TMEM132B: variants seen among roughly 807,000 people sequenced by gnomAD.
The protein encoded by TMEM132B is transmembrane protein 132B.
TMEM132B carries 18 observed loss-of-function variants against 90.8 expected under a neutral mutation model. That is an observed-to-expected ratio of 0.20 (90% CI 0.14 to 0.29). The LOEUF (loss-of-function observed/expected upper bound fraction) is 0.29, where lower values mean the gene tolerates loss of function less well. Among genes scored for constraint, TMEM132B ranks in the 10% least tolerant of loss-of-function variants. TMEM132B has a pLI of 1.00. For synonymous variants in TMEM132B, 504 were observed against 523.3 expected (o/e 0.96, Z 0.50); for missense variants, 1,096 against 1,326.8 (o/e 0.83, Z 2.70).
At chr12:125,294,941 A>G (rs1380465858) in intron 1 of TMEM132B, among the ~76,000 whole-genome samples, 1 of 152,250 alleles carries the variant, frequency 6.6e-6, no homozygotes, top group African/African-American at 2.4e-5. Flanking sequence ...ACTTATTGAA[A>G]CTATGCATAA....
intron 2 of TMEM132B, among the ~76,000 whole-genome samples, chr12:125,360,253 C>T (rs1197525516): frequency 1.3e-5 from 2 of 152,056 alleles, no homozygotes; most frequent in African/African-American, 2.4e-5. Context: ...ATCTATAACC[C>T]GATTTACTCT....
chr12:125,218,774 T>TTTG (rs1364001577), intron 1 of TMEM132B, among the ~76,000 whole-genome samples: 5 of 149,418 alleles, frequency 3.3e-5, no homozygotes, highest in Non-Finnish European at 7.4e-5. Context: ...AAGCTGTTTT[T>TTTG]TTTTTTTTTT....
At position 125,407,263 on chromosome 12, in the gene TMEM132B, T is replaced by C. The variant is rs967851908; in HGVS notation, c.960-8268T>C. 2.0e-5 allele frequency among the ~76,000 whole-genome samples: 3 copies of C among 152,126 alleles called. No individual in the cohort carries two copies. The highest frequency in any genetic ancestry group is 7.2e-5 in the African/African-American group (3 of 41,412). On this transcript the variant is annotated intron_variant, in intron 2 of 8. Transcript: ENST00000682704. The surrounding 1 kb of genome is among the most constrained non-coding windows in gnomAD (Gnocchi z 6.7). ...GGCTTAAAAGTTAGTTCTCAGGAGG[T>C]GAAGGCAAAGGCCAGACCTCTCTTC...
intron 5 of TMEM132B, among the ~76,000 whole-genome samples, chr12:125,589,669 A>C (rs990502211): frequency 6.6e-6 from 1 of 152,090 alleles, no homozygotes; most frequent in African/African-American, 2.4e-5. Flanking sequence ...CACATCTTAC[A>C]TGGCAGGAGC....
intron 4 of TMEM132B, among the ~76,000 whole-genome samples, chr12:125,545,176 G>A (rs757846310): frequency 3.9e-5 from 6 of 152,160 alleles, no homozygotes; most frequent in Non-Finnish European, 8.8e-5. Context: ...CTACACAAGC[G>A]GCTTGCTCTC....
intron 5 of TMEM132B, among the ~76,000 whole-genome samples, chr12:125,626,934 T>C (rs1464988249): frequency 1.3e-5 from 2 of 152,126 alleles, no homozygotes; most frequent in Non-Finnish European, 2.9e-5. Context: ...TACATGTACA[T>C]TAGACCATTT....
intron 1 of TMEM132B, among the ~76,000 whole-genome samples, chr12:125,229,900 G>T (rs1473636267): frequency 2.0e-5 from 3 of 152,198 alleles, no homozygotes; most frequent in African/African-American, 7.2e-5. Flanking sequence ...TCATAATTTC[G>T]TCTAAAGGGT....
At chr12:125,633,786 C>T (rs551147867) in intron 5 of TMEM132B, among the ~76,000 whole-genome samples, 1 of 152,352 alleles carries the variant, frequency 6.6e-6, no homozygotes, top group African/African-American at 2.4e-5. Context: ...GAGTCTCTCT[C>T]TCTCTCTGTT....
chr12:125,357,245 CAA>C (rs1362330181), intron 2 of TMEM132B, among the ~76,000 whole-genome samples: 2 of 152,156 alleles, frequency 1.3e-5, no homozygotes, highest in Admixed American at 1.3e-4. Flanking sequence ...GCAATTCTGG[CAA>C]AAGTTTCCTC....
intron 3 of TMEM132B, among the ~76,000 whole-genome samples, chr12:125,500,161 G>A (rs745394129): frequency 3.3e-5 from 5 of 152,204 alleles, no homozygotes; most frequent in African/African-American, 4.8e-5. Context: ...AGAGAGCCCC[G>A]TTGCATTGCA....
intron 5 of TMEM132B, among the ~76,000 whole-genome samples, chr12:125,594,199 G>C (rs1179091733): frequency 2.0e-5 from 3 of 152,116 alleles, no homozygotes; most frequent in Non-Finnish European, 4.4e-5. Flanking sequence ...CTTCCATCCA[G>C]TTAATTTGAC....
chr12:125,634,161 C>G (rs1441916473), intron 5 of TMEM132B, among the ~76,000 whole-genome samples: 3 of 152,220 alleles, frequency 2.0e-5, no homozygotes, highest in African/African-American at 7.2e-5. Flanking sequence ...CCTTCCCCCT[C>G]TTCCTTCGCC....
chr12:125,353,993 C>A (rs1877681226), intron 2 of TMEM132B, among the ~76,000 whole-genome samples: 1 of 152,176 alleles, frequency 6.6e-6, no homozygotes, highest in South Asian at 2.1e-4. Flanking sequence ...AACTGTCAGC[C>A]TCCTGGAAAT....
chr12:125,423,942 C>T (rs1880240735), intron 3 of TMEM132B, among the ~76,000 whole-genome samples: 1 of 152,138 alleles, frequency 6.6e-6, no homozygotes, highest in African/African-American at 2.4e-5. Context: ...AAAAATTGGT[C>T]AAAGTGGTTA....
Position 125,644,207 on chromosome 12 carries a change from C to T in TMEM132B, c.1569C>T (p.Pro523=). The part of the protein sequence containing the change: ...FEVTVWAPRL[P]LQIEISDTEL... ...TCACTGTCTGGGCACCCAGGCTCCC[C>T]CTGCAGATTGAGATCTCAGACACCG... Residue 523 remains proline, a synonymous_variant, in exon 6 of 9, where the codon CCC becomes CCT. Coordinates refer to ENST00000682704, the MANE Select transcript of TMEM132B (RefSeq NM_001366854.1). 2 of 1,614,202 alleles carry T rather than the reference C, an allele frequency of 1.2e-6. No homozygotes were observed. The highest frequency in any genetic ancestry group is 1.7e-6 in the Non-Finnish European group (2 of 1,180,050).
chr12:125,429,204 C>CTTT (rs1290390320), intron 3 of TMEM132B, among the ~76,000 whole-genome samples: 2 of 143,196 alleles, frequency 1.4e-5, no homozygotes, highest in African/African-American at 2.6e-5. Context: ...TGTCCTCTTT[C>CTTT]TTTTTTTTTT....
intron 3 of TMEM132B, among the ~76,000 whole-genome samples, chr12:125,473,324 T>A (rs2136503954): frequency 6.6e-6 from 1 of 152,312 alleles, no homozygotes; most frequent in Admixed American, 6.5e-5. Flanking sequence ...TTCCCAAGTA[T>A]CTTCTTATAG....
At chr12:125,573,530 C>T (rs1884856685) in intron 4 of TMEM132B, among the ~76,000 whole-genome samples, 2 of 152,164 alleles carry the variant, frequency 1.3e-5, no homozygotes, top group African/African-American at 4.8e-5. Flanking sequence ...TATCTTTAGC[C>T]TGAGAGTACA....
intron 4 of TMEM132B, among the ~76,000 whole-genome samples, chr12:125,571,882 A>G (rs565243157): frequency 6.6e-6 from 1 of 152,238 alleles, no homozygotes; most frequent in East Asian, 1.9e-4. Flanking sequence ...TTCCCAGACC[A>G]TATTCAAATT....
Sources: allele counts gnomAD v4.1 joint callset (sites outside exome capture counted in the v4.1 genomes callset), GRCh38; gene constraint gnomAD v4.1.1; non-coding constraint Gnocchi (gnomAD v3.1); transcripts MANE v1.5; gene names NCBI Gene and HGNC (gene_info 2026-07-23, HGNC 2026-07-21).